Variants in MYO1B observed in about 807,000 individuals in gnomAD.
MYO1B encodes unconventional myosin-Ib.
Under a neutral mutation model 159.7 loss-of-function variants are expected in MYO1B, and 72 were observed. The ratio of observed to expected loss-of-function variants is 0.45; its 90% confidence interval spans 0.37 to 0.55. MYO1B has a LOEUF of 0.55. MYO1B is among the 20% of genes least tolerant of loss of function. MYO1B has a pLI of 0.00. For synonymous variants in MYO1B, 468 were observed against 473.8 expected (o/e 0.99, Z 0.16); for missense variants, 1,062 against 1,364.8 (o/e 0.78, Z 3.50).
In MYO1B at chr2:191,357,328, G is replaced by A. The variant is rs545309537; in HGVS notation, c.563-3303G>A. ...GCTGTTAATGAGTCGAGCTAGGAAA[G>A]CCCCTACATAACGGCCAGGCTCCGT... On this transcript the variant is annotated intron_variant, in intron 7 of 30. Coordinates refer to ENST00000392318, the MANE Select transcript of MYO1B (RefSeq NM_001130158.3). Among the ~76,000 whole-genome samples the A allele has an allele frequency of 3.9e-5, 6 of 152,284 alleles. No homozygotes were observed. The East Asian group carries it at 1.2e-3, about 29-fold the overall frequency.
At chr2:191,313,174 A>G (rs1194844123) in intron 3 of MYO1B, among the ~76,000 whole-genome samples, 5 of 127,630 alleles carry the variant, frequency 3.9e-5, no homozygotes, top group Non-Finnish European at 8.0e-5. Flanking sequence ...TTGTAGTTAT[A>G]ATATCTGGCA....
chr2:191,398,488 G>A (rs1453206529), intron 21 of MYO1B, among the ~76,000 whole-genome samples: 3 of 147,904 alleles, frequency 2.0e-5, no homozygotes, highest in Non-Finnish European at 3.0e-5. Context: ...GCTGCCGGAC[G>A]GAGGGGCTCC....
chr2:191,365,470 G>A (rs911173398), intron 11 of MYO1B, among the ~76,000 whole-genome samples: 5 of 152,166 alleles, frequency 3.3e-5, no homozygotes, highest in African/African-American at 4.8e-5. Context: ...TATATATATG[G>A]AAATTTGGTT....
At chr2:191,297,587 G>C (rs955641009) in intron 3 of MYO1B, among the ~76,000 whole-genome samples, 1 of 152,120 alleles carries the variant, frequency 6.6e-6, no homozygotes, top group African/African-American at 2.4e-5. Flanking sequence ...GTCATGAAAT[G>C]CACATAAATA....
chr2:191,331,271 G>T (rs897642265), intron 4 of MYO1B, among the ~76,000 whole-genome samples: 1 of 151,938 alleles, frequency 6.6e-6, no homozygotes, highest in Non-Finnish European at 1.5e-5. Flanking sequence ...AGAAAACATG[G>T]TGTCATATTG....
intron 1 of MYO1B, among the ~76,000 whole-genome samples, chr2:191,248,931 G>T (rs1685953146): frequency 6.6e-6 from 1 of 152,218 alleles, no homozygotes; most frequent in Admixed American, 6.5e-5. Flanking sequence ...GGAAGCCCAG[G>T]TTAGGACATT....
chr2:191,254,418 G>A lies in MYO1B; in HGVS notation c.-10+8792G>A, dbSNP rs182476724. Among the ~76,000 whole-genome samples the A allele has an allele frequency of 2.0e-5, 3 of 151,998 alleles. No homozygotes were observed. In the East Asian group the frequency reaches 5.8e-4, roughly 30 times the overall value. On this transcript the variant is annotated intron_variant, in intron 1 of 30. Transcript: ENST00000392318. Reference sequence around the variant, plus strand: ...GGCAGAGATGGGGTTTCTCCATGTTGAGACTGATCTCGAACTCCTGACCTC... The same window carrying A: ...GGCAGAGATGGGGTTTCTCCATGTTAAGACTGATCTCGAACTCCTGACCTC...
chr2:191,409,484 C>A (rs1295301499), intron 26 of MYO1B, among the ~76,000 whole-genome samples: 1 of 152,164 alleles, frequency 6.6e-6, no homozygotes, highest in Non-Finnish European at 1.5e-5. Flanking sequence ...TTGTTTCTCT[C>A]TTTGTCTAAA....
intron 4 of MYO1B, among the ~76,000 whole-genome samples, chr2:191,336,370 G>A (rs1489021152): frequency 6.6e-6 from 1 of 152,174 alleles, no homozygotes; most frequent in African/African-American, 2.4e-5. Context: ...GCATTTCACA[G>A]TGTTGAAAAT....
chr2:191,353,024 C>A (rs1251073193), intron 7 of MYO1B, among the ~76,000 whole-genome samples: 1 of 152,136 alleles, frequency 6.6e-6, no homozygotes, highest in South Asian at 2.1e-4. Context: ...TCCCTTGAGC[C>A]AATTGTGTAC....
intron 20 of MYO1B, 51 bp downstream of exon 20, chr2:191,393,273 C>T: frequency 1.9e-6 from 3 of 1,590,958 alleles, no homozygotes; most frequent in Non-Finnish European, 1.7e-6. Context: ...AATTTGCCAA[C>T]ATTTATTATG....
At chr2:191,383,211 C>T in intron 14 of MYO1B, 69 bp from the exon 15 acceptor site, 1 of 906,292 alleles carries the variant, frequency 1.1e-6, no homozygotes, top group African/African-American at 1.7e-5. Context: ...TGGTCAAAGT[C>T]TGTTTTATGG....
chr2:191,252,145 C>CT (rs1686160856), intron 1 of MYO1B, among the ~76,000 whole-genome samples: 1 of 152,152 alleles, frequency 6.6e-6, no homozygotes, highest in Admixed American at 6.5e-5. Flanking sequence ...ATTTGCATGG[C>CT]TTGTTATTTT....
At chr2:191,367,093 T>G (rs1051432379) in intron 11 of MYO1B, among the ~76,000 whole-genome samples, 1 of 152,062 alleles carries the variant, frequency 6.6e-6, no homozygotes, top group African/African-American at 2.4e-5. Context: ...GCTGCAGAAG[T>G]GCATGGTCTT....
rs199766105 is a variant in MYO1B at position 191,333,134 on chromosome 2, G to A, written c.346+3105G>A. Among the ~76,000 whole-genome samples, 9 of 152,276 alleles carry A rather than the reference G, an allele frequency of 5.9e-5. 1 individual carries two copies. In the East Asian group the frequency reaches 1.7e-3, roughly 29 times the overall value. Reference sequence around the variant, plus strand: ...ATGTCTATCTTACTAAAAATTAGTTGATTTGCTTAGTTCTGGGTATCTTTA... The same window carrying A: ...ATGTCTATCTTACTAAAAATTAGTTAATTTGCTTAGTTCTGGGTATCTTTA... On this transcript the variant is annotated intron_variant, in intron 4 of 30. Transcript: ENST00000392318.
chr2:191,350,303 T>A, intron 7 of MYO1B, 78 bp downstream of exon 7: 1 of 1,074,162 alleles, frequency 9.3e-7, no homozygotes, highest in South Asian at 1.4e-5. Flanking sequence ...GTTTAGATAC[T>A]TGTGTCTTTG....
chr2:191,424,220 GT>G lies in MYO1B; in HGVS notation c.*262del. The G allele has an allele frequency of 4.5e-6, 2 of 443,652 alleles. No homozygotes were observed. Among genetic ancestry groups the G allele is most frequent in the Non-Finnish European group, 8.0e-6 (2 of 250,048 alleles). The allele number at this position is 443,652 out of a possible 1,614,324, so 27.5% of individuals were successfully genotyped here. ...GATGTGTTCTTCCTTTAGTCATCAT[GT>G]TAGGTCTGTGTACCCTAAATCAGCA... On this transcript the variant is annotated 3_prime_UTR_variant, in exon 31 of 31. Transcript: ENST00000392318.
At chr2:191,335,880 C>G (rs755817099) in intron 4 of MYO1B, among the ~76,000 whole-genome samples, 2 of 152,112 alleles carry the variant, frequency 1.3e-5, no homozygotes, top group Non-Finnish European at 2.9e-5. Flanking sequence ...AACATGGGCA[C>G]TTAGGGAGAG....
intron 25 of MYO1B, 38 bp from the exon 26 acceptor site, chr2:191,409,006 A>G: frequency 6.3e-7 from 1 of 1,580,600 alleles, no homozygotes; most frequent in Non-Finnish European, 8.6e-7. Context: ...TTTGTGGTAT[A>G]TTTTCCTCAT....
Sources: allele counts gnomAD v4.1 joint callset (sites outside exome capture counted in the v4.1 genomes callset), GRCh38; gene constraint gnomAD v4.1.1; transcripts MANE v1.5; gene names NCBI Gene and HGNC (gene_info 2026-07-23, HGNC 2026-07-21).